SLC35B2: variants seen among roughly 807,000 people sequenced by gnomAD.
The protein encoded by SLC35B2 is solute carrier family 35 member B2, also known as adenosine 3'-phospho 5'-phosphosulfate transporter 1.
In SLC35B2, 19 loss-of-function variants were observed where a neutral mutation model predicts 37.9. The ratio of observed to expected loss-of-function variants is 0.50; its 90% CI spans 0.35 to 0.74. The LOEUF (loss-of-function observed/expected upper bound fraction) is 0.74, where lower values mean the gene tolerates loss of function less well. SLC35B2 is among the 30% of genes least tolerant of loss of function. The probability of loss-of-function intolerance (pLI) is 0.01; values close to 1 mark genes in which losing one functional copy is unlikely to be tolerated. For missense variants in SLC35B2, 633 were observed against 547.6 expected (o/e 1.16, Z -1.56); for synonymous variants, 277 against 225.2 (o/e 1.23, Z -2.06).
intron 1 of SLC35B2, 91 bp from the exon 2 acceptor site, chr6:44,256,969 T>G: frequency 7.6e-7 from 1 of 1,316,464 alleles, no homozygotes; most frequent in Non-Finnish European, 1.0e-6. Flanking sequence ...GCCCGGAGTC[T>G]CCTCCCCGCC....
upstream of SLC35B2, chr6:44,257,823 G>A (rs1472023989): frequency 6.5e-6 from 1 of 152,838 alleles, no homozygotes; most frequent in Non-Finnish European, 1.5e-5. Flanking sequence ...CCGCTCCTCT[G>A]TGTTAGTTTC....
In SLC35B2 at chr6:44,254,774, C is replaced by T. The variant is rs61740055; in HGVS notation, c.1231G>A (p.Ala411Thr). Residue 411 changes from alanine to threonine, a missense_variant, in exon 4 of 4, where the codon GCG becomes ACG. Ala to Thr is a moderately conservative substitution (Grantham distance 58, BLOSUM62 0). Transcript: ENST00000393812. ...VFAALLLRVY[A>T]RGRLKQRGKK... ...CCCCGTTGCTTTAGACGGCCCCGCG[C>T]GTAGACTCTGAGCAGGAGGGCAGCA... The T allele has an allele frequency of 8.6e-5, 139 of 1,614,068 alleles. No homozygotes were observed. Among genetic ancestry groups the T allele is most frequent in the Admixed American group, 1.5e-4 (9 of 60,006 alleles).
At chr6:44,255,796 TAA>T (rs1781377845) in intron 3 of SLC35B2, 152 bp from the exon 4 acceptor site, 1 of 734,140 alleles carries the variant, frequency 1.4e-6, no homozygotes, top group African/African-American at 1.8e-5. Context: ...TCTCCCCTCC[TAA>T]GTCTGGATTC....
chr6:44,255,847 A>G (rs1781387603), intron 3 of SLC35B2, among the ~76,000 whole-genome samples: 1 of 152,146 alleles, frequency 6.6e-6, no homozygotes. Flanking sequence ...AAACCTATTC[A>G]GGGAGGCAAG....
At position 44,255,552 on chromosome 6, in the gene SLC35B2, G is replaced by A. The variant is rs750616332; in HGVS notation, c.453C>T (p.Asp151=). ...TATSPGERFT[D]SQFLVLMNRV... Reference sequence around the variant, plus strand: ...GGTTCATTAGCACCAGGAACTGCGAGTCCGTAAAGCGCTCACCCGGTGATG... The same window carrying A: ...GGTTCATTAGCACCAGGAACTGCGAATCCGTAAAGCGCTCACCCGGTGATG... The change falls in exon 4 of 4, where the codon GAC becomes GAT. Residue 151 remains aspartate (D), a synonymous_variant. Transcript: ENST00000393812. 1 of 1,614,230 alleles carries A rather than the reference G, an allele frequency of 6.2e-7. No homozygotes were observed. The highest frequency in any genetic ancestry group is 8.5e-7 in the Non-Finnish European group (1 of 1,180,048).
At chr6:44,255,751 A>G in intron 3 of SLC35B2, 107 bp from the exon 4 acceptor site, 1 of 1,096,292 alleles carries the variant, frequency 9.1e-7, no homozygotes, top group South Asian at 1.6e-5. Context: ...TTCAAAGGAA[A>G]ATATACACTT....
chr6:44,256,153 G>A (rs544374730), intron 3 of SLC35B2, among the ~76,000 whole-genome samples, 189 bp downstream of exon 3: 4 of 151,200 alleles, frequency 2.6e-5, no homozygotes, highest in African/African-American at 4.9e-5. Context: ...GTGCTGGAGA[G>A]GAGAAAAGGA....
chr6:44,256,242 C>A (rs1272642909), intron 3 of SLC35B2, 100 bp downstream of exon 3: 34 of 1,472,476 alleles, frequency 2.3e-5, no homozygotes, highest in Admixed American at 6.7e-5. Flanking sequence ...ACGAAACACA[C>A]CAGCCAGCAA....
Position 44,256,640 on chromosome 6 carries a change from CCT to C in SLC35B2, c.205+43_205+44del, listed in dbSNP as rs371105153. On this transcript the variant is annotated intron_variant, in intron 2 of 3. Coordinates refer to ENST00000393812, the MANE Select transcript of SLC35B2 (RefSeq NM_178148.4). Reference sequence around the variant, plus strand: ...CCCGTTTGGACTGCTGGCCAAATACCCTCTTTCCCGACCTAGCTCACTTCCCC... The same window carrying C: ...CCCGTTTGGACTGCTGGCCAAATACCCTTTCCCGACCTAGCTCACTTCCCC... The C allele has an allele frequency of 9.8e-5, 158 of 1,612,500 alleles. 1 individual carries two copies. In the East Asian group the frequency reaches 1.3e-3, roughly 13 times the overall value.
At chr6:44,256,228 G>C in intron 3 of SLC35B2, 114 bp downstream of exon 3, 1 of 1,364,004 alleles carries the variant, frequency 7.3e-7, no homozygotes, top group Non-Finnish European at 1.0e-6. Flanking sequence ...CCTGGGAGGA[G>C]GACACGAAAC....
rs781014560 is a variant in SLC35B2 at position 44,254,898 on chromosome 6, G to C, written c.1107C>G (p.Ile369Met). Residue 369 changes from isoleucine to methionine, a missense_variant, in exon 4 of 4, where the codon ATC (isoleucine) becomes ATG (methionine). Ile to Met is a conservative substitution (Grantham distance 10). Transcript: ENST00000393812. ...CAAAGGCCTGGCGGAGGGTCATGAT[G>C]ATGGTGAAGACGGCAGCCCCAAACT... Reference protein sequence around the residue: ...IGQFGAAVFTIIMTLRQAFAI... With the variant: ...IGQFGAAVFTMIMTLRQAFAI... The C allele has an allele frequency of 9.9e-6, 16 of 1,614,236 alleles. No homozygotes were observed. Among genetic ancestry groups the C allele is most frequent in the Non-Finnish European group, 1.3e-5 (15 of 1,180,042 alleles).
At position 44,254,897 on chromosome 6, in the gene SLC35B2, T is replaced by G; in HGVS notation, c.1108A>C (p.Ile370Leu). The change falls in exon 4 of 4, where the codon ATC becomes CTC. Residue 370 changes from isoleucine to leucine, a missense_variant. Coordinates refer to ENST00000393812, the MANE Select transcript of SLC35B2 (RefSeq NM_178148.4). ...GQFGAAVFTI[I>L]MTLRQAFAIL... Reference sequence around the variant, plus strand: ...GCAAAGGCCTGGCGGAGGGTCATGATGATGGTGAAGACGGCAGCCCCAAAC... The same window carrying G: ...GCAAAGGCCTGGCGGAGGGTCATGAGGATGGTGAAGACGGCAGCCCCAAAC... The G allele has an allele frequency of 6.2e-7, 1 of 1,614,026 alleles. No individual in the cohort carries two copies. The highest frequency in any genetic ancestry group is 1.3e-5 in the African/African-American group (1 of 74,982).
At chr6:44,257,602 G>A (rs984126092), upstream of SLC35B2, 9 of 329,118 alleles carry the variant, frequency 2.7e-5, no homozygotes, top group Admixed American at 5.8e-5. Context: ...CCGGGCCGCC[G>A]CCGGACCACA....
At position 44,256,489 on chromosome 6, in the gene SLC35B2, G is replaced by T; in HGVS notation, c.213C>A (p.Gly71=). 3 of 1,614,146 alleles carry T rather than the reference G, an allele frequency of 1.9e-6. No individual in the cohort carries two copies. The highest frequency in any genetic ancestry group is 2.5e-6 in the Non-Finnish European group (3 of 1,180,022). The change falls in exon 3 of 4, where the codon GGC becomes GGA. Residue 71 remains glycine (G), a synonymous_variant. Transcript: ENST00000393812. ...RRKNYLETGR[G]LCFPLVKACV... is the part of the protein sequence containing the mutation. ...AAGCTTTCACCAGGGGAAAGCAGAGGCCCCTACCTGAAGAAAGCACACAAA... is the reference window on the plus strand; with the variant it reads ...AAGCTTTCACCAGGGGAAAGCAGAGTCCCCTACCTGAAGAAAGCACACAAA...
chr6:44,255,473 G>C lies in SLC35B2; in HGVS notation c.532C>G (p.Arg178Gly). The change falls in exon 4 of 4, where the codon CGG (arginine) becomes GGG (glycine). Residue 178 changes from arginine to glycine, a missense_variant. Arg to Gly is a moderately radical substitution (Grantham distance 125). Transcript: ENST00000393812. ...GLSCVLCKQPRHGAPMYRYSF... is the reference protein window; with the variant it reads ...GLSCVLCKQPGHGAPMYRYSF... Reference sequence around the variant, plus strand: ...TACCGGTACATGGGTGCCCCATGCCGGGGCTGCTTGCAGAGAACACAGGAG... The same window carrying C: ...TACCGGTACATGGGTGCCCCATGCCCGGGCTGCTTGCAGAGAACACAGGAG... 1 of 1,614,200 alleles carries C rather than the reference G, an allele frequency of 6.2e-7. No homozygotes were observed. The highest frequency in any genetic ancestry group is 8.5e-7 in the Non-Finnish European group (1 of 1,180,018).
At position 44,254,962 on chromosome 6, in the gene SLC35B2, GAGCAGATGGAGAGT is replaced by G; in HGVS notation, c.1029_1042del (p.Leu344ArgfsTer78). On this transcript the variant is annotated frameshift_variant, in exon 4 of 4. Coordinates refer to ENST00000393812, the MANE Select transcript of SLC35B2 (RefSeq NM_178148.4). LOFTEE classifies it high-confidence loss of function. ...AAAGATGAAGAGCTGGCCACATGCG[GAGCAGATGGAGAGT>G]AGCAGGGCATGGGCAGCAAACTCAC... is the stretch of plus-strand genomic sequence containing the variant. 6.2e-7 allele frequency: 1 copy of G among 1,614,194 alleles called. No homozygotes were observed. Among genetic ancestry groups the G allele is most frequent in the Non-Finnish European group, 8.5e-7 (1 of 1,180,038 alleles).
intron 1 of SLC35B2, 63 bp from the exon 2 acceptor site, chr6:44,256,941 G>A (rs952944339): frequency 4.6e-6 from 7 of 1,512,230 alleles, no homozygotes; most frequent in Non-Finnish European, 6.2e-6. Flanking sequence ...CCTCCAGAGG[G>A]GACCACACTG....
At position 44,257,482 on chromosome 6, in the gene SLC35B2, C is replaced by T. The variant is rs1297830105; in HGVS notation, c.-72G>A. Reference sequence around the variant, plus strand: ...CCGGGCCGCGCGCCCCCTGCGCTCCCGCCGCCGCCTCCAGGAGCGGCCAGC... The same window carrying T: ...CCGGGCCGCGCGCCCCCTGCGCTCCTGCCGCCGCCTCCAGGAGCGGCCAGC... On this transcript the variant is annotated 5_prime_UTR_variant, in exon 1 of 4. Coordinates refer to ENST00000393812, the MANE Select transcript of SLC35B2 (RefSeq NM_178148.4). 10 of 1,225,124 alleles carry T rather than the reference C, an allele frequency of 8.2e-6. No homozygotes were observed. The South Asian group carries it at 3.3e-4, about 40-fold the overall frequency. The allele number at this position is 1,225,124 out of a possible 1,614,324, so 75.9% of individuals were successfully genotyped here. A position where few individuals can be genotyped will look rare whatever the true frequency, so the allele number is the denominator to read the frequency against.
chr6:44,256,950 T>C, intron 1 of SLC35B2, 72 bp from the exon 2 acceptor site: 41 of 1,460,838 alleles, frequency 2.8e-5, no homozygotes, highest in Non-Finnish European at 3.7e-5. Flanking sequence ...GGGACCACAC[T>C]GGAGTAGTGC....
Sources: allele counts gnomAD v4.1 joint callset (sites outside exome capture counted in the v4.1 genomes callset), GRCh38; gene constraint gnomAD v4.1.1; transcripts MANE v1.5; gene names NCBI Gene and HGNC (gene_info 2026-07-23, HGNC 2026-07-21).